The following CYP19A1 variants were observed in gnomAD, a reference collection of about 807,000 sequenced individuals.
The protein encoded by CYP19A1 is aromatase.
CYP19A1 carries 32 observed loss-of-function variants against 44.4 expected under a neutral mutation model. The observed-to-expected ratio is 0.72, with a 90% confidence interval of 0.54 to 0.97. The LOEUF is 0.97. Ranked by LOEUF, CYP19A1 falls within the 50% of genes least tolerant of loss-of-function variation. CYP19A1 has a pLI of 0.00. For synonymous variants in CYP19A1, 212 were observed against 215.6 expected, an observed-to-expected ratio of 0.98 and a Z score of 0.14; for missense variants, 598 against 637.8, an observed-to-expected ratio of 0.94 and a Z score of 0.67.
chr15:51,240,357 A>G (rs1425347660), intron 2 of CYP19A1, among the ~76,000 whole-genome samples: 1 of 152,164 alleles, frequency 6.6e-6, no homozygotes, highest in Non-Finnish European at 1.5e-5. Flanking sequence ...AGTTTTGCCA[A>G]CTACAAAACA....
chr15:51,333,210 G>A (rs1299692069), intron 1 of CYP19A1, among the ~76,000 whole-genome samples: 6 of 152,184 alleles, frequency 3.9e-5, no homozygotes, highest in East Asian at 3.8e-4. Context: ...AAGTATAAGG[G>A]TAATGTTTTC....
At chr15:51,317,676 C>T (rs1235236766) in intron 1 of CYP19A1, among the ~76,000 whole-genome samples, 1 of 152,148 alleles carries the variant, frequency 6.6e-6, no homozygotes, top group Non-Finnish European at 1.5e-5. Flanking sequence ...ATGAAGAGGA[C>T]TCATGGGAGC....
chr15:51,281,634 GC>G (rs34185933), intron 1 of CYP19A1, among the ~76,000 whole-genome samples: 1 of 152,298 alleles, frequency 6.6e-6, no homozygotes, highest in South Asian at 2.1e-4. Context: ...AGGAGAGTTG[GC>G]CCCCCTCTCA....
chr15:51,330,560 A>G (rs1386376189), intron 1 of CYP19A1, among the ~76,000 whole-genome samples: 1 of 152,162 alleles, frequency 6.6e-6, no homozygotes, highest in Non-Finnish European at 1.5e-5. Context: ...CTCCAAAGAG[A>G]GCCCTGGGCA....
chr15:51,318,502 C>A (rs1315940444), intron 1 of CYP19A1: 1 of 152,268 alleles, frequency 6.6e-6, no homozygotes, highest in Non-Finnish European at 1.5e-5. Flanking sequence ...CTACTTGGAG[C>A]CAGGAGCCAG....
chr15:51,277,962 T>G (rs1203438657), intron 1 of CYP19A1: 2 of 148,976 alleles, frequency 1.3e-5, no homozygotes, highest in South Asian at 2.1e-4. Context: ...GAGTTTTTTT[T>G]TTTTTTTTTT....
At chr15:51,282,649 G>A (rs1032695917) in intron 1 of CYP19A1, among the ~76,000 whole-genome samples, 3 of 152,206 alleles carry the variant, frequency 2.0e-5, no homozygotes, top group Non-Finnish European at 4.4e-5. Flanking sequence ...GCCAGACTTC[G>A]TTGCCCCAAG....
chr15:51,284,666 A>C (rs2035638563), intron 1 of CYP19A1, among the ~76,000 whole-genome samples: 1 of 152,236 alleles, frequency 6.6e-6, no homozygotes. Context: ...TTAACATTAA[A>C]ATTTTTAAAT....
intron 1 of CYP19A1, among the ~76,000 whole-genome samples, chr15:51,244,010 C>G (rs560186720): frequency 1.2e-4 from 19 of 152,120 alleles, no homozygotes; most frequent in Non-Finnish European, 2.2e-4. Flanking sequence ...CCAAGGTTTG[C>G]CTTTACTTAG....
intron 1 of CYP19A1, among the ~76,000 whole-genome samples, chr15:51,334,982 G>A (rs2036754805): frequency 6.6e-6 from 1 of 152,200 alleles, no homozygotes; most frequent in African/African-American, 2.4e-5. Flanking sequence ...CCAGTGGGTT[G>A]GCTGAGGCTT....
intron 1 of CYP19A1, among the ~76,000 whole-genome samples, chr15:51,288,893 C>T (rs536009369): frequency 1.3e-5 from 2 of 152,200 alleles, no homozygotes; most frequent in Non-Finnish European, 2.9e-5. Context: ...TGCCGTCTCC[C>T]AGCCTAACTT....
chr15:51,272,129 C>G (rs778727670), intron 1 of CYP19A1, among the ~76,000 whole-genome samples: 5 of 152,214 alleles, frequency 3.3e-5, no homozygotes, highest in Non-Finnish European at 7.3e-5. Context: ...GTATTCTACA[C>G]ACCGTGAGTG....
At chr15:51,306,687 G>T (rs754688288) in intron 1 of CYP19A1, among the ~76,000 whole-genome samples, 11 of 152,198 alleles carry the variant, frequency 7.2e-5, no homozygotes, top group Non-Finnish European at 1.6e-4. Context: ...GAAAAAGCAC[G>T]GCACTGTGCC....
At chr15:51,232,629 C>T (rs1321317535) in intron 3 of CYP19A1, among the ~76,000 whole-genome samples, 1 of 152,192 alleles carries the variant, frequency 6.6e-6, no homozygotes, top group Non-Finnish European at 1.5e-5. Flanking sequence ...CTGGACAGCA[C>T]TTTGACTCTT....
intron 1 of CYP19A1, among the ~76,000 whole-genome samples, chr15:51,309,060 G>A (rs1440545372): frequency 6.6e-6 from 1 of 152,186 alleles, no homozygotes; most frequent in Non-Finnish European, 1.5e-5. Flanking sequence ...TATGGACTGA[G>A]TGTTTGTGTT....
chr15:51,269,998 A>G (rs962539593), intron 1 of CYP19A1, among the ~76,000 whole-genome samples: 1 of 135,992 alleles, frequency 7.4e-6, no homozygotes, highest in Non-Finnish European at 1.7e-5. Context: ...TTCTACCCCA[A>G]AAAGTCTGCT....
chr15:51,255,354 T>A (rs1379020051), intron 1 of CYP19A1, among the ~76,000 whole-genome samples: 1 of 152,178 alleles, frequency 6.6e-6, no homozygotes, highest in Non-Finnish European at 1.5e-5. Flanking sequence ...CAGGTGGGCT[T>A]GCCCTAATTG....
intron 4 of CYP19A1, among the ~76,000 whole-genome samples, chr15:51,225,598 T>C (rs962178502): frequency 5.9e-5 from 9 of 152,136 alleles, no homozygotes; most frequent in African/African-American, 2.2e-4. Context: ...CGTTTTCCAT[T>C]AATTCATTCC....
intron 4 of CYP19A1, among the ~76,000 whole-genome samples, chr15:51,223,630 C>CACACACAG (rs2032328749): frequency 6.6e-6 from 1 of 151,450 alleles, no homozygotes; most frequent in African/African-American, 2.4e-5. Context: ...CACACACACA[C>CACACACAG]ACACACTGGG....
Sources: gnomAD v4.1 joint callset for allele counts (sites outside exome capture counted in the v4.1 genomes callset) on GRCh38, gnomAD v4.1.1 for gene constraint, MANE v1.5 for transcripts, NCBI Gene and HGNC (gene_info 2026-07-23, HGNC 2026-07-21) for gene names.